The following HDAC7 variants were observed in gnomAD, a reference collection of about 807,000 sequenced individuals.
The protein encoded by HDAC7 is histone deacetylase 7.
In HDAC7, 26 loss-of-function variants were observed where a neutral mutation model predicts 115.5. That is an observed-to-expected ratio of 0.23 (90% CI 0.16 to 0.31). HDAC7 has a LOEUF of 0.31. HDAC7 is among the 10% of genes least tolerant of loss of function. HDAC7 has a pLI of 1.00. For synonymous variants in HDAC7, 564 were observed against 550.9 expected (o/e 1.02, Z -0.33); for missense variants, 1,068 against 1,329.0 (o/e 0.80, Z 3.05).
intron 22 of HDAC7, 169 bp from the exon 23 acceptor site, chr12:47,786,054 A>G (rs1487782472): frequency 1.4e-6 from 1 of 701,146 alleles, no homozygotes; most frequent in African/African-American, 1.8e-5. Context: ...ACCTACTAGT[A>G]TGCTTCACTC....
chr12:47,791,201 C>G, intron 16 of HDAC7, 58 bp downstream of exon 16: 1 of 1,478,956 alleles, frequency 6.8e-7, no homozygotes, highest in South Asian at 1.2e-5. Context: ...GGGAGAACCA[C>G]AGGGAGGAGA....
intron 19 of HDAC7, chr12:47,788,857 A>C (rs1337020523): frequency 5.8e-6 from 1 of 172,380 alleles, no homozygotes; most frequent in Non-Finnish European, 1.2e-5. Context: ...AGTGGGTTAT[A>C]GTCAGGATTA....
chr12:47,796,062 C>A (rs546447240), intron 8 of HDAC7, 46 bp from the exon 9 acceptor site: 1 of 1,537,274 alleles, frequency 6.5e-7, no homozygotes, highest in Non-Finnish European at 8.8e-7. Context: ...AGACCTCTAC[C>A]CCGGCGCACC....
chr12:47,809,021 A>T (rs1382623413), intron 1 of HDAC7, among the ~76,000 whole-genome samples: 1 of 152,190 alleles, frequency 6.6e-6, no homozygotes, highest in Non-Finnish European at 1.5e-5. Flanking sequence ...TAACATGGGG[A>T]TAAGTCGGCC....
In HDAC7 at chr12:47,793,458, G is replaced by T; in HGVS notation, c.1589C>A (p.Pro530His). The T allele has an allele frequency of 6.4e-7, 1 of 1,557,206 alleles. No homozygotes were observed. The highest frequency in any genetic ancestry group is 8.7e-7 in the Non-Finnish European group (1 of 1,150,344). The change falls in exon 13 of 26, where the codon CCT (proline) becomes CAT (histidine). Residue 530 changes from proline (P) to histidine (H), a missense_variant. By Grantham distance (77) the Pro-to-His change is moderately conservative (BLOSUM62 -2). Around this residue, in one of 6 missense-constraint regions of HDAC7, gnomAD observed 618 missense variants for 701.5 expected, o/e 0.88. Transcript: ENST00000080059. This position sits in a 1 kb window ranked among gnomAD's most constrained non-coding sequence, Gnocchi z 4.5. ...AGGCTCTGGGGCTGACAGTGAGGCA[G>T]GTGCGGCTGGGGAAGACTGAGCCCG... Reference protein sequence around the residue: ...LSRAQSSPAAPASLSAPEPAS... With the variant: ...LSRAQSSPAAHASLSAPEPAS...
intron 2 of HDAC7, among the ~76,000 whole-genome samples, chr12:47,799,540 C>T (rs887012284): frequency 6.6e-6 from 1 of 152,252 alleles, no homozygotes; most frequent in Non-Finnish European, 1.5e-5. Flanking sequence ...CTCAAGCCTA[C>T]AGCCAGCCCT....
rs943483363 is a variant in HDAC7 at position 47,786,599 on chromosome 12, T to C, written c.2558A>G (p.His853Arg). 3.1e-6 allele frequency: 5 copies of C among 1,612,888 alleles called. No individual in the cohort carries two copies. Among genetic ancestry groups the C allele is most frequent in the South Asian group, 2.2e-5 (2 of 91,052 alleles). Residue 853 changes from histidine (H) to arginine (R), a missense_variant, in exon 22 of 26, where the codon CAT becomes CGT. His to Arg is a conservative substitution (Grantham distance 29). Around this residue, in one of 6 missense-constraint regions of HDAC7, gnomAD observed 182 missense variants for 301.1 expected, o/e 0.60. Coordinates refer to ENST00000080059, the MANE Select transcript of HDAC7 (RefSeq NM_015401.5). ...EGHPAPLGGY[H>R]VSAKCFGYMT... ...GGCTCCCTTACATTTGGCAGAAACA[T>C]GGTAGCCACCCAGTGGGGCCGGGTG...
At chr12:47,814,127 C>G (rs568882461) in intron 1 of HDAC7, among the ~76,000 whole-genome samples, 1 of 152,224 alleles carries the variant, frequency 6.6e-6, no homozygotes, top group Non-Finnish European at 1.5e-5. Context: ...GAGTCTCCCC[C>G]AGTTTGGGCA....
chr12:47,786,113 G>A (rs73107953), intron 22 of HDAC7: 30,943 of 516,812 alleles, frequency 0.06, 1,132 homozygotes, highest in Non-Finnish European at 0.077. Flanking sequence ...CAGCTAGTAA[G>A]TGGCAGCAAG....
intron 1 of HDAC7, among the ~76,000 whole-genome samples, chr12:47,808,753 C>T (rs535401782): frequency 1.3e-5 from 2 of 152,232 alleles, no homozygotes; most frequent in Non-Finnish European, 2.9e-5. Context: ...CCATGGCCTT[C>T]AGCTTATAGC....
chr12:47,796,960 G>T (rs915940716), intron 7 of HDAC7, 57 bp downstream of exon 7: 48 of 1,491,724 alleles, frequency 3.2e-5, no homozygotes, highest in Non-Finnish European at 4.1e-5. Context: ...CTGACCCAAA[G>T]GGACAAGACC....
In HDAC7 at chr12:47,798,528, G is replaced by C; in HGVS notation, c.349+34C>G. The C allele has an allele frequency of 6.3e-7, 1 of 1,588,008 alleles. No homozygotes were observed. Among genetic ancestry groups the C allele is most frequent in the Non-Finnish European group, 8.6e-7 (1 of 1,158,606 alleles). On this transcript the variant is annotated intron_variant, in intron 4 of 25. Coordinates refer to ENST00000080059, the MANE Select transcript of HDAC7 (RefSeq NM_015401.5). This position sits in a 1 kb window ranked among gnomAD's most constrained non-coding sequence, Gnocchi z 4.3. ...GGCAGCCGCAGGCACCTGGCTGGTG[G>C]GGCTGGGCTGGGCTGGGGTGGCCAC...
intron 2 of HDAC7, among the ~76,000 whole-genome samples, chr12:47,799,529 C>G (rs1944061043): frequency 6.6e-6 from 1 of 152,244 alleles, no homozygotes; most frequent in East Asian, 1.9e-4. Flanking sequence ...TAAAGTGATG[C>G]CTCAAGCCTA....
upstream of HDAC7, chr12:47,820,119 G>A (rs1944982592): frequency 6.6e-6 from 1 of 151,082 alleles, no homozygotes; most frequent in Non-Finnish European, 1.5e-5. This position sits in a 1 kb window ranked among gnomAD's most constrained non-coding sequence, Gnocchi z 4.3. Flanking sequence ...TCGCGGCGGG[G>A]CGCGGCGCAC....
rs925184640 is a variant in HDAC7 at position 47,798,300 on chromosome 12, C to T, written c.350-81G>A. ...CACTACCTGGCCACTGCCCTGTCCC[C>T]ATCCTCAGTAGGAGGCGTCCCAGGG... is the stretch of plus-strand genomic sequence containing the variant. On this transcript the variant is annotated intron_variant, in intron 4 of 25. Coordinates refer to ENST00000080059, the MANE Select transcript of HDAC7 (RefSeq NM_015401.5). This position sits in a 1 kb window ranked among gnomAD's most constrained non-coding sequence, Gnocchi z 4.3. 3 of 1,163,694 alleles carry T rather than the reference C, an allele frequency of 2.6e-6. No homozygotes were observed. The highest frequency in any genetic ancestry group is 3.9e-6 in the Non-Finnish European group (3 of 777,304). The allele number at this position is 1,163,694 out of a possible 1,614,324, so 72.1% of individuals were successfully genotyped here.
At position 47,811,796 on chromosome 12, in the gene HDAC7, C is replaced by T. The variant is rs1022271942; in HGVS notation, c.19+7971G>A. ...TTGGACCATATATCCTCTGAGGTTC[C>T]GTGTTATCTACAACCTAGCGTCCTC... On this transcript the variant is annotated intron_variant, in intron 1 of 25. Coordinates refer to ENST00000080059, the MANE Select transcript of HDAC7 (RefSeq NM_015401.5). 6.6e-5 allele frequency among the ~76,000 whole-genome samples: 10 copies of T among 152,190 alleles called. No individual in the cohort carries two copies. The East Asian group carries it at 9.6e-4, about 15-fold the overall frequency.
intron 1 of HDAC7, among the ~76,000 whole-genome samples, chr12:47,811,080 A>T (rs996382997): frequency 5.3e-5 from 8 of 152,188 alleles, no homozygotes; most frequent in African/African-American, 1.9e-4. Flanking sequence ...GGCATCTCGG[A>T]TGTGAATAGC....
At chr12:47,802,933 C>T (rs959140690) in intron 1 of HDAC7, among the ~76,000 whole-genome samples, 1 of 152,186 alleles carries the variant, frequency 6.6e-6, no homozygotes, top group African/African-American at 2.4e-5. Context: ...CTTTTCCTCC[C>T]ACTGCCCCAT....
chr12:47,815,327 G>GCA lies in HDAC7; in HGVS notation c.19+4438_19+4439dup, dbSNP rs146054294. Among the ~76,000 whole-genome samples, 115 of 151,690 alleles carry GCA rather than the reference G, an allele frequency of 7.6e-4. 1 individual carries two copies. The highest frequency in any genetic ancestry group is 2.6e-3 in the African/African-American group (109 of 41,446). On this transcript the variant is annotated intron_variant, in intron 1 of 25. Transcript: ENST00000080059. ...ACAAAGTGTAGTTATGAGCACACAT[G>GCA]CACACACACACACAGGGGGTACATG...
Sources: allele counts gnomAD v4.1 joint callset (sites outside exome capture counted in the v4.1 genomes callset), GRCh38; gene constraint gnomAD v4.1.1; regional missense constraint gnomAD v4.1.1; non-coding constraint Gnocchi (gnomAD v3.1); transcripts MANE v1.5; gene names NCBI Gene and HGNC (gene_info 2026-07-23, HGNC 2026-07-21).